MBD5: variants seen among roughly 807,000 people sequenced by gnomAD.
MBD5 encodes the protein methyl-CpG binding domain protein 5.
MBD5 carries 13 observed loss-of-function variants against 117.3 expected under a neutral mutation model. That is an observed-to-expected ratio of 0.11 (90% CI 0.07 to 0.18). MBD5 has a LOEUF of 0.18. Among genes scored for constraint, MBD5 ranks in the 10% least tolerant of loss-of-function variants. The probability of loss-of-function intolerance (pLI) is 1.00; values close to 1 mark genes in which losing one functional copy is unlikely to be tolerated. For missense variants in MBD5, 1,879 were observed against 2,093.8 expected (o/e 0.90, Z 2.00); for synonymous variants, 727 against 766.4 (o/e 0.95, Z 0.85).
At chr2:148,439,536 C>T (rs1302159685) in intron 4 of MBD5, among the ~76,000 whole-genome samples, 1 of 152,044 alleles carries the variant, frequency 6.6e-6, no homozygotes, top group African/African-American at 2.4e-5. Context: ...TTCTATACTC[C>T]TCATTCAAGC....
intron 2 of MBD5, among the ~76,000 whole-genome samples, chr2:148,207,968 A>G (rs1161885409): frequency 1.3e-5 from 2 of 152,138 alleles, no homozygotes; most frequent in African/African-American, 2.4e-5. Context: ...TGCAAAAAAT[A>G]ATTATTTTCT....
At chr2:148,355,495 A>G (rs952195715) in intron 4 of MBD5, among the ~76,000 whole-genome samples, 2 of 152,164 alleles carry the variant, frequency 1.3e-5, no homozygotes, top group South Asian at 4.1e-4. Context: ...TGTTTTCTGC[A>G]TATGGCTAGC....
chr2:148,101,656 A>G (rs918807387), intron 1 of MBD5, among the ~76,000 whole-genome samples: 5 of 152,186 alleles, frequency 3.3e-5, no homozygotes, highest in Non-Finnish European at 5.9e-5. Context: ...CTTTACAAAC[A>G]TGCTAGCTAG....
chr2:148,048,596 C>T (rs573558580), intron 1 of MBD5, among the ~76,000 whole-genome samples: 2 of 152,184 alleles, frequency 1.3e-5, no homozygotes, highest in East Asian at 1.9e-4. Context: ...GAGCAGTTTG[C>T]TGTTTTGGAG....
At chr2:148,490,875 C>T (rs2105135791) in intron 11 of MBD5, 1 of 449,606 alleles carries the variant, frequency 2.2e-6, no homozygotes, top group Non-Finnish European at 4.1e-6. Flanking sequence ...TCAACTCTGC[C>T]TTCCCTCTCT....
chr2:148,327,767 C>G (rs1380494970), intron 3 of MBD5, among the ~76,000 whole-genome samples: 1 of 152,114 alleles, frequency 6.6e-6, no homozygotes, highest in East Asian at 1.9e-4. Context: ...AAGTTTTCAA[C>G]TCCTTTGCCT....
chr2:148,407,198 G>T (rs985446640), intron 4 of MBD5, among the ~76,000 whole-genome samples: 1 of 152,110 alleles, frequency 6.6e-6, no homozygotes, highest in Non-Finnish European at 1.5e-5. Flanking sequence ...AGATGAAAAA[G>T]ATGAACATAA....
chr2:148,274,083 ATATTCT>A (rs1701045565), intron 3 of MBD5, among the ~76,000 whole-genome samples: 2 of 151,740 alleles, frequency 1.3e-5, no homozygotes, highest in African/African-American at 2.4e-5. Context: ...GTTTTTTATC[ATATTCT>A]TATTCTACTA....
At chr2:148,153,150 C>G (rs1213453602) in intron 1 of MBD5, among the ~76,000 whole-genome samples, 1 of 151,374 alleles carries the variant, frequency 6.6e-6, no homozygotes, top group Non-Finnish European at 1.5e-5. Flanking sequence ...GACAAAATCT[C>G]TCAGCATTTG....
intron 3 of MBD5, among the ~76,000 whole-genome samples, chr2:148,239,686 T>TACACACACACACACACAC (rs34980624): frequency 0.048 from 6,808 of 141,418 alleles, 230 homozygotes; most frequent in Middle Eastern, 0.1. Context: ...TTTATTTACT[T>TACACACACACACACACAC]ACACACACAC....
At chr2:148,031,134 T>TACAGATA (rs1239032643) in intron 1 of MBD5, among the ~76,000 whole-genome samples, 1 of 152,186 alleles carries the variant, frequency 6.6e-6, no homozygotes, top group Admixed American at 6.5e-5. Flanking sequence ...AATTATTATA[T>TACAGATA]GTTCACTCAA....
chr2:148,435,573 A>G (rs975750982), intron 4 of MBD5, among the ~76,000 whole-genome samples: 1 of 152,136 alleles, frequency 6.6e-6, no homozygotes. Context: ...TAGGGCCCCA[A>G]TGTCTTCTGG....
intron 1 of MBD5, among the ~76,000 whole-genome samples, chr2:148,085,794 A>G (rs777219547): frequency 6.6e-6 from 1 of 152,252 alleles, no homozygotes; most frequent in South Asian, 2.1e-4. Context: ...TGAACCATCC[A>G]TATAAAGACA....
chr2:148,431,319 A>T (rs962622637), intron 4 of MBD5, among the ~76,000 whole-genome samples: 1 of 152,150 alleles, frequency 6.6e-6, no homozygotes, highest in African/African-American at 2.4e-5. Context: ...GTCTCATACC[A>T]CTTTGGAAAC....
intron 7 of MBD5, among the ~76,000 whole-genome samples, chr2:148,464,123 G>C (rs867709599): frequency 6.6e-6 from 1 of 152,110 alleles, no homozygotes; most frequent in Non-Finnish European, 1.5e-5. Context: ...TTCTTACCCA[G>C]AGCATTCAGT....
chr2:148,341,351 G>A (rs75639006), intron 3 of MBD5, among the ~76,000 whole-genome samples: 1 of 147,430 alleles, frequency 6.8e-6, no homozygotes, highest in Admixed American at 6.7e-5. Flanking sequence ...TTTTTTTCTT[G>A]TTCTCTTTTT....
chr2:148,316,807 A>G (rs1702167672), intron 3 of MBD5, among the ~76,000 whole-genome samples: 1 of 152,242 alleles, frequency 6.6e-6, no homozygotes, highest in South Asian at 2.1e-4. Flanking sequence ...CTTATTTTAC[A>G]TCAGAGTGTT....
intron 8 of MBD5, among the ~76,000 whole-genome samples, chr2:148,473,151 A>G (rs1680849567): frequency 6.6e-6 from 1 of 152,190 alleles, no homozygotes; most frequent in Non-Finnish European, 1.5e-5. Context: ...CTATTGATAT[A>G]CTTCAGATGA....
intron 3 of MBD5, among the ~76,000 whole-genome samples, chr2:148,338,260 A>G (rs948554334): frequency 2.0e-5 from 3 of 152,162 alleles, no homozygotes; most frequent in Non-Finnish European, 4.4e-5. Flanking sequence ...CATTAATTAT[A>G]GCTATCTTTT....
Sources: gnomAD v4.1 joint callset for allele counts (sites outside exome capture counted in the v4.1 genomes callset) on GRCh38, gnomAD v4.1.1 for gene constraint, MANE v1.5 for transcripts, NCBI Gene and HGNC (gene_info 2026-07-23, HGNC 2026-07-21) for gene names.